The following CACNA1D variants were observed in gnomAD, a reference collection of about 807,000 sequenced individuals.
CACNA1D encodes the protein voltage-dependent L-type calcium channel subunit alpha-1D.
CACNA1D carries 55 observed loss-of-function variants against 257.1 expected under a neutral mutation model. That is an observed-to-expected ratio of 0.21 (90% confidence interval 0.17 to 0.27). CACNA1D has a LOEUF of 0.27. CACNA1D is among the 10% of genes least tolerant of loss of function. CACNA1D has a pLI of 1.00. For synonymous variants in CACNA1D, 980 were observed against 1,014.9 expected (o/e 0.97, Z 0.65); for missense variants, 1,876 against 2,784.0 (o/e 0.67, Z 7.34).
intron 9 of CACNA1D, among the ~76,000 whole-genome samples, chr3:53,705,876 A>T (rs1157378191): frequency 6.6e-6 from 1 of 152,206 alleles, no homozygotes; most frequent in Non-Finnish European, 1.5e-5. Context: ...TCACAGCCAG[A>T]AAACCACACA....
chr3:53,534,839 G>A (rs968412974), intron 3 of CACNA1D, among the ~76,000 whole-genome samples: 6 of 152,110 alleles, frequency 3.9e-5, no homozygotes, highest in African/African-American at 7.2e-5. Context: ...TGTCAGCGCC[G>A]GGCCAGATCA....
In CACNA1D at chr3:53,641,081, ATGTGGGAGGC is replaced by A. The variant is rs537455591; in HGVS notation, c.484-9689_484-9680del. Among the ~76,000 whole-genome samples, 518 of 152,292 alleles carry A rather than the reference ATGTGGGAGGC, an allele frequency of 3.4e-3. 1 individual carries two copies. The highest frequency in any genetic ancestry group is 5.3e-3 in the Non-Finnish European group (360 of 68,010). ...CGTACCTTCCAGTGAGTATGCAGAT[ATGTGGGAGGC>A]TGTGGGAGCTGAGGGACTGGAGGCA... On this transcript the variant is annotated intron_variant, in intron 3 of 47. Transcript: ENST00000350061.
At chr3:53,732,110 G>C in intron 18 of CACNA1D, 28 bp downstream of exon 18, 1 of 1,559,270 alleles carries the variant, frequency 6.4e-7, no homozygotes, top group Non-Finnish European at 8.8e-7. Context: ...GGAGACGCTG[G>C]CTTTGCTGTG....
In CACNA1D at chr3:53,661,903, G is replaced by A. The variant is rs543856150; in HGVS notation, c.766+1628G>A. Among the ~76,000 whole-genome samples the A allele has an allele frequency of 2.6e-5, 4 of 152,298 alleles. No homozygotes were observed. The East Asian group carries it at 5.8e-4, about 22-fold the overall frequency. On this transcript the variant is annotated intron_variant, in intron 5 of 47. Transcript: ENST00000350061. ...TGTAACTCTCCCCCAGGTCAGCAGG[G>A]AAAAATGTGAGTCTGAGTCTTGTAT...
chr3:53,533,898 C>T (rs996137985), intron 3 of CACNA1D, among the ~76,000 whole-genome samples: 3 of 152,130 alleles, frequency 2.0e-5, no homozygotes, highest in Non-Finnish European at 2.9e-5. Flanking sequence ...AGGCATTTAA[C>T]GGGGATAATA....
chr3:53,677,505 C>T (rs540679036), intron 8 of CACNA1D, among the ~76,000 whole-genome samples: 4 of 152,188 alleles, frequency 2.6e-5, no homozygotes, highest in Admixed American at 6.5e-5. Context: ...ATCTTAAATC[C>T]GTGGATATCC....
intron 3 of CACNA1D, among the ~76,000 whole-genome samples, chr3:53,586,275 TCTG>T (rs1023189517): frequency 7.2e-6 from 1 of 139,362 alleles, no homozygotes; most frequent in Non-Finnish European, 1.5e-5. Flanking sequence ...TTGCCTCTAT[TCTG>T]TGTGTGTGTG....
At chr3:53,645,153 A>G (rs951912678) in intron 3 of CACNA1D, among the ~76,000 whole-genome samples, 2 of 152,128 alleles carry the variant, frequency 1.3e-5, no homozygotes, top group Admixed American at 1.3e-4. Flanking sequence ...TCCTTTGCCC[A>G]TTTTAAAGTC....
At chr3:53,651,096 G>T (rs2094087148) in intron 4 of CACNA1D, 178 bp downstream of exon 4, 1 of 610,108 alleles carries the variant, frequency 1.6e-6, no homozygotes, top group South Asian at 1.9e-5. Context: ...CAGTCTCTGG[G>T]CAGATACTAG....
At chr3:53,646,401 T>A (rs918688377) in intron 3 of CACNA1D, among the ~76,000 whole-genome samples, 9 of 152,234 alleles carry the variant, frequency 5.9e-5, no homozygotes, top group Non-Finnish European at 7.3e-5. Context: ...TTTTGTTTTT[T>A]AAATACATAT....
intron 7 of CACNA1D, among the ~76,000 whole-genome samples, chr3:53,667,489 A>G (rs1454564554): frequency 1.3e-5 from 2 of 152,216 alleles, no homozygotes; most frequent in African/African-American, 4.8e-5. Flanking sequence ...TTAGTAATAA[A>G]GTAGTTCTGA....
At chr3:53,581,924 G>GAA (rs769749776) in intron 3 of CACNA1D, among the ~76,000 whole-genome samples, 1 of 152,184 alleles carries the variant, frequency 6.6e-6, no homozygotes, top group Non-Finnish European at 1.5e-5. Context: ...TGGGTATCTC[G>GAA]AAGCTGCTGT....
rs1471945903 is a variant in CACNA1D, at chr3:53,732,065, C to T, written c.2456C>T (p.Pro819Leu). The T allele has an allele frequency of 7.4e-6, 12 of 1,612,606 alleles. No individual in the cohort carries two copies. Among genetic ancestry groups the T allele is most frequent in the African/African-American group, 2.7e-5 (2 of 74,918 alleles). ...REEDEDKDPY[P>L]PCDVPVGEEE... ...GAGGATGAAGACAAGGACCCCTATC[C>T]GCCTTGCGATGTGCCAGGTATGGTG... The change falls in exon 18 of 48, where the codon CCG (proline) becomes CTG (leucine). Residue 819 changes from proline to leucine, a missense_variant. Pro to Leu is a moderately conservative substitution (Grantham distance 98). Transcript: ENST00000350061.
intron 30 of CACNA1D, among the ~76,000 whole-genome samples, chr3:53,764,906 T>C (rs1277062601): frequency 6.6e-6 from 1 of 152,222 alleles, no homozygotes; most frequent in Non-Finnish European, 1.5e-5. Flanking sequence ...AGTGACCTTT[T>C]TCCTGGTCAG....
chr3:53,553,868 A>G (rs1435778226), intron 3 of CACNA1D, among the ~76,000 whole-genome samples: 2 of 151,220 alleles, frequency 1.3e-5, no homozygotes, highest in African/African-American at 4.9e-5. Flanking sequence ...GGAGCTTTCC[A>G]TACTAGATAT....
At position 53,744,775 on chromosome 3, in the gene CACNA1D, T is replaced by C; in HGVS notation, c.2954T>C (p.Val985Ala). Residue 985 changes from valine to alanine, a missense_variant, in exon 23 of 48, where the codon GTC (valine) becomes GCC (alanine). Transcript: ENST00000350061. ...ATCTCCGTTGTGAAGATTCTGAGGG[T>C]CTTAAGGGTCCTGCGTCCCCTCAGG... The part of the protein sequence containing the change: ...SAISVVKILR[V>A]LRVLRPLRAI... 6.2e-7 allele frequency: 1 copy of C among 1,610,806 alleles called. No individual in the cohort carries two copies. The highest frequency in any genetic ancestry group is 8.5e-7 in the Non-Finnish European group (1 of 1,176,926).
chr3:53,752,642 G>A (rs908773798), intron 28 of CACNA1D, among the ~76,000 whole-genome samples: 3 of 152,120 alleles, frequency 2.0e-5, no homozygotes, highest in Non-Finnish European at 4.4e-5. Context: ...CAGGTGATCC[G>A]TTGCCTCAGC....
At chr3:53,521,124 T>C (rs1347873986) in intron 3 of CACNA1D, among the ~76,000 whole-genome samples, 3 of 152,000 alleles carry the variant, frequency 2.0e-5, no homozygotes, top group Non-Finnish European at 4.4e-5. Flanking sequence ...ACTGCAACTT[T>C]GAACTCCTGG....
In CACNA1D at chr3:53,813,380, C is replaced by T. The variant is rs751568172; in HGVS notation, c.*1974C>T. On this transcript the variant is annotated 3_prime_UTR_variant, in exon 48 of 48. Transcript: ENST00000350061. ...GTCATTTGCCAGTGAGAGCCTCCGA[C>T]AGGGCAGGTACTGTGCCAGGGCAGC... is the stretch of plus-strand genomic sequence containing the variant. 12 of 152,324 alleles carry T rather than the reference C, an allele frequency of 7.9e-5. No individual in the cohort carries two copies. Among genetic ancestry groups the T allele is most frequent in the Admixed American group, 4.6e-4 (7 of 15,298 alleles). The allele number at this position is 152,324 out of a possible 1,614,324, so 9.4% of individuals were successfully genotyped here.
Sources: gnomAD v4.1 joint callset for allele counts (sites outside exome capture counted in the v4.1 genomes callset) on GRCh38, gnomAD v4.1.1 for gene constraint, MANE v1.5 for transcripts, NCBI Gene and HGNC (gene_info 2026-07-23, HGNC 2026-07-21) for gene names.